ZNF462: variants seen among roughly 807,000 people sequenced by gnomAD.
The protein encoded by ZNF462 is zinc finger protein 462.
Under a neutral mutation model 201.9 loss-of-function variants are expected in ZNF462, and 10 were observed. The ratio of observed to expected loss-of-function variants is 0.05; its 90% CI spans 0.03 to 0.08. ZNF462 has a LOEUF of 0.08. Ranked by LOEUF, ZNF462 falls within the 10% of genes least tolerant of loss-of-function variation. The pLI, the probability that ZNF462 is intolerant of heterozygous loss-of-function variation, is 1.00. For synonymous variants in ZNF462, 1,227 were observed against 1,193.3 expected, an observed-to-expected ratio of 1.03 and a Z score of -0.58; for missense variants, 2,523 against 3,168.3, an observed-to-expected ratio of 0.80 and a Z score of 4.89.
chr9:106,924,631 G>A lies in ZNF462; in HGVS notation c.719G>A (p.Arg240Gln). 5.6e-6 allele frequency: 9 copies of A among 1,614,126 alleles called. No individual in the cohort carries two copies. Among genetic ancestry groups the A allele is most frequent in the Non-Finnish European group, 7.6e-6 (9 of 1,180,028 alleles). ...ESMVKPLTKS[R>Q]GNFCCEWCSY... Reference sequence around the variant, plus strand: ...ATGGTCAAGCCTTTGACCAAATCTCGAGGCAACTTTTGTTGTGAGTGGTGC... The same window carrying A: ...ATGGTCAAGCCTTTGACCAAATCTCAAGGCAACTTTTGTTGTGAGTGGTGC... Residue 240 changes from arginine to glutamine, a missense_variant, in exon 3 of 13, where the codon CGA (arginine) becomes CAA (glutamine). Transcript: ENST00000277225. This position sits in a 1 kb window ranked among gnomAD's most constrained non-coding sequence, Gnocchi z 6.2.
chr9:106,915,324 A>G (rs1392238526), intron 1 of ZNF462, among the ~76,000 whole-genome samples: 1 of 151,934 alleles, frequency 6.6e-6, no homozygotes, highest in Non-Finnish European at 1.5e-5. Flanking sequence ...TTGGCTCCTT[A>G]ACTGAGCACT....
chr9:106,940,128 C>T (rs919670421), intron 7 of ZNF462, among the ~76,000 whole-genome samples: 1 of 152,134 alleles, frequency 6.6e-6, no homozygotes, highest in Non-Finnish European at 1.5e-5. Flanking sequence ...TCACGTTTCC[C>T]TGGGCAATCT....
In ZNF462 at chr9:106,978,129, C is replaced by A. The variant is rs956879017; in HGVS notation, c.6832+3856C>A. Among the ~76,000 whole-genome samples the A allele has an allele frequency of 6.6e-6, 1 of 151,526 alleles. No homozygotes were observed. Among genetic ancestry groups the A allele is most frequent in the East Asian group, 1.9e-4 (1 of 5,200 alleles). ...CACTAGTCATTGGGTTTAGGGCACA[C>A]CCTAATCTAGTCTGGCCTTAACTGA... On this transcript the variant is annotated intron_variant, in intron 9 of 12. Transcript: ENST00000277225. The surrounding 1 kb of genome is among the most constrained non-coding windows in gnomAD (Gnocchi z 4.1).
Position 106,938,918 on chromosome 9 carries a change from G to A in ZNF462, c.6238G>A (p.Glu2080Lys). ...TTCTTGTCACCATCCTCTTCCAGGTGAGCATGCCTACAAGTGTTCTTGGTG... is the reference window on the plus strand; with the variant it reads ...TTCTTGTCACCATCCTCTTCCAGGTAAGCATGCCTACAAGTGTTCTTGGTG... ...KTHILKAHAGEHAYKCSWCSF... is the reference protein window; with the variant it reads ...KTHILKAHAGKHAYKCSWCSF... The change falls in exon 7 of 13, where the codon GAG becomes AAG. Residue 2080 changes from glutamate (E) to lysine (K), a missense_variant and splice_region_variant. Physicochemically the swap from Glu to Lys is moderately conservative, Grantham distance 56. This residue lies in a region of ZNF462 where 138 missense variants were observed against 146.3 expected (regional missense o/e 0.94). Coordinates refer to ENST00000277225, the MANE Select transcript of ZNF462 (RefSeq NM_021224.6). The surrounding 1 kb of genome is among the most constrained non-coding windows in gnomAD (Gnocchi z 4.4). The A allele has an allele frequency of 1.9e-6, 3 of 1,604,254 alleles. No homozygotes were observed. Among genetic ancestry groups the A allele is most frequent in the Non-Finnish European group, 2.6e-6 (3 of 1,175,248 alleles).
intron 1 of ZNF462, among the ~76,000 whole-genome samples, chr9:106,873,068 C>T (rs1827666708): frequency 6.6e-6 from 1 of 152,098 alleles, no homozygotes. Flanking sequence ...GCTGATGGGA[C>T]CCGGCCTTGG....
chr9:106,872,395 GCT>G lies in ZNF462; in HGVS notation c.-31+9043_-31+9044del, dbSNP rs1733342676. Among the ~76,000 whole-genome samples the G allele has an allele frequency of 6.6e-6, 1 of 152,066 alleles. No individual in the cohort carries two copies. Among genetic ancestry groups the G allele is most frequent in the Non-Finnish European group, 1.5e-5 (1 of 68,006 alleles). ...TTCTTTTCTTTTTGGAGACAGTTTT[GCT>G]CTGTCTCCCAGGCTGGAGTGCAGTG... On this transcript the variant is annotated intron_variant, in intron 1 of 12. Transcript: ENST00000277225. The surrounding 1 kb of genome is among the most constrained non-coding windows in gnomAD (Gnocchi z 4.5).
At chr9:106,896,806 G>A (rs530107504) in intron 1 of ZNF462, among the ~76,000 whole-genome samples, 1 of 152,326 alleles carries the variant, frequency 6.6e-6, no homozygotes, top group East Asian at 1.9e-4. Flanking sequence ...ACAAGGCATT[G>A]ACATTTGGTC....
intron 10 of ZNF462, among the ~76,000 whole-genome samples, chr9:106,986,224 C>T (rs1400407446): frequency 2.0e-5 from 3 of 152,014 alleles, no homozygotes; most frequent in South Asian, 4.2e-4. Context: ...CAGCAGTGGG[C>T]GGAAGGCTGA....
At chr9:106,892,960 AG>A (rs1252583433) in intron 1 of ZNF462, among the ~76,000 whole-genome samples, 3 of 152,290 alleles carry the variant, frequency 2.0e-5, no homozygotes, top group African/African-American at 7.2e-5. Flanking sequence ...CTTTGGAACT[AG>A]GGGGAAGATG....
In ZNF462 at chr9:106,925,883, A is replaced by G; in HGVS notation, c.1971A>G (p.Lys657=). ...SHPSSSNTVK[K]SQTSILGLSS... Reference sequence around the variant, plus strand: ...CCTCTTCCAGCAACACTGTGAAGAAAAGTCAGACCTCAATTCTTGGGTTGT... The same window carrying G: ...CCTCTTCCAGCAACACTGTGAAGAAGAGTCAGACCTCAATTCTTGGGTTGT... Residue 657 remains lysine, a synonymous_variant, in exon 3 of 13, where the codon AAA becomes AAG. Transcript: ENST00000277225. The surrounding 1 kb of genome is among the most constrained non-coding windows in gnomAD (Gnocchi z 7.9). The G allele has an allele frequency of 6.2e-7, 1 of 1,614,190 alleles. No individual in the cohort carries two copies. The highest frequency in any genetic ancestry group is 1.1e-5 in the South Asian group (1 of 91,072).
rs936309457 is a variant in ZNF462, at chr9:106,870,401, A to G, written c.-31+7046A>G. Among the ~76,000 whole-genome samples the G allele has an allele frequency of 2.0e-5, 3 of 152,202 alleles. No individual in the cohort carries two copies. The highest frequency in any genetic ancestry group is 7.2e-5 in the African/African-American group (3 of 41,454). ...CTGCATGTTGCTTCTGGATATTAAT[A>G]AAATACTTGTGCTGCGCCTGTCCAC... On this transcript the variant is annotated intron_variant, in intron 1 of 12. Transcript: ENST00000277225. This position sits in a 1 kb window ranked among gnomAD's most constrained non-coding sequence, Gnocchi z 4.3.
Position 106,885,968 on chromosome 9 carries a change from A to G in ZNF462, c.-31+22613A>G, listed in dbSNP as rs1034927744. Reference sequence around the variant, plus strand: ...TCTTTGGATATTTCCTCATCTAGATAGACGGGACTTTTTGTTTTCCCCAGG... The same window carrying G: ...TCTTTGGATATTTCCTCATCTAGATGGACGGGACTTTTTGTTTTCCCCAGG... On this transcript the variant is annotated intron_variant, in intron 1 of 12. Coordinates refer to ENST00000277225, the MANE Select transcript of ZNF462 (RefSeq NM_021224.6). The surrounding 1 kb of genome is among the most constrained non-coding windows in gnomAD (Gnocchi z 4.1). 6.6e-6 allele frequency among the ~76,000 whole-genome samples: 1 copy of G among 152,238 alleles called. No individual in the cohort carries two copies. Among genetic ancestry groups the G allele is most frequent in the African/African-American group, 2.4e-5 (1 of 41,464 alleles).
Position 106,938,853 on chromosome 9 carries a change from C to A in ZNF462, c.6236-63C>A. Reference sequence around the variant, plus strand: ...GTTAACTGAGTTATCTTGTTTCCACCCTGGCCTTATACCCTTCTCCCCTCT... The same window carrying A: ...GTTAACTGAGTTATCTTGTTTCCACACTGGCCTTATACCCTTCTCCCCTCT... On this transcript the variant is annotated intron_variant, in intron 6 of 12. Transcript: ENST00000277225. The surrounding 1 kb of genome is among the most constrained non-coding windows in gnomAD (Gnocchi z 4.4). The A allele has an allele frequency of 6.7e-7, 1 of 1,484,802 alleles. No homozygotes were observed. The highest frequency in any genetic ancestry group is 9.1e-7 in the Non-Finnish European group (1 of 1,103,366). The allele number at this position is 1,484,802 out of a possible 1,614,324, so 92.0% of individuals were successfully genotyped here. A position where few individuals can be genotyped will look rare whatever the true frequency, so the allele number is the denominator to read the frequency against.
intron 1 of ZNF462, among the ~76,000 whole-genome samples, chr9:106,911,303 G>T (rs1270511394): frequency 6.6e-6 from 1 of 152,210 alleles, no homozygotes; most frequent in African/African-American, 2.4e-5. Flanking sequence ...TTCAAGGACT[G>T]TGTAGCTATT....
rs944432172 is a variant in ZNF462, at chr9:107,009,969, G to A, written c.7313+301G>A. 5.3e-5 allele frequency among the ~76,000 whole-genome samples: 8 copies of A among 152,210 alleles called. No individual in the cohort carries two copies. Among genetic ancestry groups the A allele is most frequent in the East Asian group, 3.9e-4 (2 of 5,170 alleles). ...CAATATCCCTTTAGTCTTCATTAGC[G>A]TGACATTCTATAATAGAACGTGAAT... On this transcript the variant is annotated intron_variant, in intron 12 of 12. Coordinates refer to ENST00000277225, the MANE Select transcript of ZNF462 (RefSeq NM_021224.6). The surrounding 1 kb of genome is among the most constrained non-coding windows in gnomAD (Gnocchi z 6.1).
rs1362273328 is a variant in ZNF462 at position 106,927,344 on chromosome 9, C to G, written c.3432C>G (p.Ala1144=). Residue 1144 remains alanine, a synonymous_variant, in exon 3 of 13, where the codon GCC becomes GCG. Transcript: ENST00000277225. ...QKRHPEIKVT[A]KYIRQAPPTA... is the part of the protein sequence containing the mutation. Reference sequence around the variant, plus strand: ...GACACCCAGAAATAAAGGTTACTGCCAAATATATCAGACAGGCTCCTCCCA... The same window carrying G: ...GACACCCAGAAATAAAGGTTACTGCGAAATATATCAGACAGGCTCCTCCCA... 6.2e-7 allele frequency: 1 copy of G among 1,613,988 alleles called. No individual in the cohort carries two copies. Among genetic ancestry groups the G allele is most frequent in the South Asian group, 1.1e-5 (1 of 91,048 alleles).
At chr9:106,951,653 G>A (rs1831354448) in intron 7 of ZNF462, among the ~76,000 whole-genome samples, 1 of 152,246 alleles carries the variant, frequency 6.6e-6, no homozygotes, top group Non-Finnish European at 1.5e-5. Flanking sequence ...CTTTCACTGT[G>A]CTCCTGGGCT....
chr9:106,991,470 T>A lies in ZNF462; in HGVS notation c.7056+7061T>A, dbSNP rs560793958. Among the ~76,000 whole-genome samples, 5 of 152,072 alleles carry A rather than the reference T, an allele frequency of 3.3e-5. No individual in the cohort carries two copies. The South Asian group carries it at 1.0e-3, about 32-fold the overall frequency. The stretch of plus-strand genomic sequence containing the variant: ...CCAATATTGGTAATTCTTTTCATAA[T>A]CATGTACAGATTCAACATAATCTCT... On this transcript the variant is annotated intron_variant, in intron 10 of 12. Coordinates refer to ENST00000277225, the MANE Select transcript of ZNF462 (RefSeq NM_021224.6).
chr9:106,967,480 C>G (rs58984661), intron 7 of ZNF462, among the ~76,000 whole-genome samples: 1 of 151,698 alleles, frequency 6.6e-6, no homozygotes, highest in Non-Finnish European at 1.5e-5. Context: ...ACAACTCAAA[C>G]TGTTATTCTA....
Sources: allele counts gnomAD v4.1 joint callset (sites outside exome capture counted in the v4.1 genomes callset), GRCh38; gene constraint gnomAD v4.1.1; regional missense constraint gnomAD v4.1.1; non-coding constraint Gnocchi (gnomAD v3.1); transcripts MANE v1.5; gene names NCBI Gene and HGNC (gene_info 2026-07-23, HGNC 2026-07-21).